Variants in SMG9 observed in about 807,000 individuals in gnomAD.
SMG9 encodes the protein SMG9 nonsense mediated mRNA decay factor.
Under a neutral mutation model 64.0 loss-of-function variants are expected in SMG9, and 55 were observed. The ratio of observed to expected loss-of-function variants is 0.86; its 90% CI spans 0.69 to 1.08. The LOEUF (loss-of-function observed/expected upper bound fraction) is 1.08, where lower values mean the gene tolerates loss of function less well. Among genes scored for constraint, SMG9 ranks in the 50% least tolerant of loss-of-function variants. The pLI is 0.00. For synonymous variants in SMG9, 244 were observed against 254.8 expected (o/e 0.96, Z 0.41); for missense variants, 554 against 681.3 (o/e 0.81, Z 2.08).
intron 2 of SMG9, chr19:43,750,087 A>C: frequency 1.9e-6 from 1 of 513,656 alleles, no homozygotes; most frequent in Non-Finnish European, 3.9e-6. Flanking sequence ...ACCCTTTAAA[A>C]CATGAGCTAT....
chr19:43,750,827 C>A, intron 1 of SMG9, 80 bp from the exon 2 acceptor site: 1 of 1,303,794 alleles, frequency 7.7e-7, no homozygotes, highest in Non-Finnish European at 1.0e-6. Flanking sequence ...ATACGAAGTC[C>A]CTTCTTTCTT....
intron 9 of SMG9, among the ~76,000 whole-genome samples, chr19:43,735,239 G>A (rs1239769934): frequency 6.6e-6 from 1 of 152,132 alleles, no homozygotes; most frequent in Non-Finnish European, 1.5e-5. Context: ...TTGTCTAGAT[G>A]TGCCACTGAT....
At chr19:43,735,969 C>T (rs1968654465) in intron 9 of SMG9, among the ~76,000 whole-genome samples, 1 of 152,116 alleles carries the variant, frequency 6.6e-6, no homozygotes, top group Non-Finnish European at 1.5e-5. Context: ...TCCCTAGTGC[C>T]CAGAACAGTG....
At chr19:43,732,072 G>T (rs1047242264) in intron 13 of SMG9, among the ~76,000 whole-genome samples, 2 of 152,156 alleles carry the variant, frequency 1.3e-5, no homozygotes, top group Non-Finnish European at 2.9e-5. Flanking sequence ...TCTGGGTCCT[G>T]GTTTAGACCA....
rs1053326778 is a variant in SMG9 at position 43,747,766 on chromosome 19, A to T, written c.357T>A (p.Pro119=). The change falls in exon 4 of 14, where the codon CCT becomes CCA. Residue 119 remains proline, a synonymous_variant. Coordinates refer to ENST00000270066, the MANE Select transcript of SMG9 (RefSeq NM_019108.4). ...CAGGGGGTGGTGGGGCGGTGCCCTC[A>T]GGGGTAGAGGCACCTGTCACGGCCA... ...GPVAVTGAST[P]EGTAPPPPAA... 23 of 1,608,322 alleles carry T rather than the reference A, an allele frequency of 1.4e-5. No homozygotes were observed. Among genetic ancestry groups the T allele is most frequent in the Non-Finnish European group, 1.7e-5 (20 of 1,177,764 alleles).
At chr19:43,743,082 A>G (rs574987294) in intron 6 of SMG9, among the ~76,000 whole-genome samples, 53 of 152,046 alleles carry the variant, frequency 3.5e-4, no homozygotes, top group Admixed American at 1.1e-3. Context: ...CAAAAAAAAA[A>G]AGAGAGAGAG....
rs1367700067 is a variant in SMG9 at position 43,731,628 on chromosome 19, CAGAGG to C, written c.1526_1530del (p.Ser509CysfsTer47). The C allele has an allele frequency of 6.2e-7, 1 of 1,614,134 alleles. No individual in the cohort carries two copies. The highest frequency in any genetic ancestry group is 8.5e-7 in the Non-Finnish European group (1 of 1,180,044). On this transcript the variant is annotated frameshift_variant, in exon 14 of 14. Coordinates refer to ENST00000270066, the MANE Select transcript of SMG9 (RefSeq NM_019108.4). LOFTEE classifies it high-confidence loss of function. ...AGCAGGCGGCTGTACTCTGCCAGAGCAGAGGACTTTCTCACCCCATCCCAGATCCG... is the reference window on the plus strand; with the variant it reads ...AGCAGGCGGCTGTACTCTGCCAGAGCACTTTCTCACCCCATCCCAGATCCG...
At position 43,733,402 on chromosome 19, in the gene SMG9, A is replaced by T. The variant is rs1968548781; in HGVS notation, c.1261T>A (p.Phe421Ile). The T allele has an allele frequency of 1.9e-6, 3 of 1,614,152 alleles. No individual in the cohort carries two copies. The highest frequency in any genetic ancestry group is 1.7e-6 in the Non-Finnish European group (2 of 1,180,022). ...AATAAGTTGACCTCAGAGTCCAGGA[A>T]GTCAGGTGGAAGCCCCGGGAAGACA... ...CNVFPGLPPD[F>I]LDSEVNLFLV... The change falls in exon 12 of 14, where the codon TTC (phenylalanine) becomes ATC (isoleucine). Residue 421 changes from phenylalanine (F) to isoleucine (I), a missense_variant. By Grantham distance (21) the Phe-to-Ile change is conservative. Transcript: ENST00000270066.
rs1968439170 is a variant in SMG9 at position 43,730,268 on chromosome 19, T to C, written c.*1328A>G. On this transcript the variant is annotated 3_prime_UTR_variant, in exon 14 of 14. Transcript: ENST00000270066. Reference sequence around the variant, plus strand: ...ATTAATTTGGGGTGGCGAGACCAATTTGGAGACATACTTTGGGAAACCTCA... The same window carrying C: ...ATTAATTTGGGGTGGCGAGACCAATCTGGAGACATACTTTGGGAAACCTCA... The C allele has an allele frequency of 6.6e-6, 1 of 152,166 alleles. No individual in the cohort carries two copies. The highest frequency in any genetic ancestry group is 2.4e-5 in the African/African-American group (1 of 41,422). The allele number at this position is 152,166 out of a possible 1,614,324, so 9.4% of individuals were successfully genotyped here.
chr19:43,733,258 G>T, intron 12 of SMG9, 66 bp downstream of exon 12: 1 of 1,579,056 alleles, frequency 6.3e-7, no homozygotes, highest in Non-Finnish European at 8.6e-7. Context: ...AGACCAGTGG[G>T]TGCTGGGTCT....
At position 43,747,431 on chromosome 19, in the gene SMG9, C is replaced by A; in HGVS notation, c.588+11G>T. ...GTGCGGAAGCTCAGGCAGGGCAGGA[C>A]CCCTCGGTACCTCGATGGCACTGTC... is the stretch of plus-strand genomic sequence containing the variant. On this transcript the variant is annotated intron_variant, in intron 5 of 13. Transcript: ENST00000270066. The A allele has an allele frequency of 6.2e-7, 1 of 1,611,742 alleles. No homozygotes were observed. Among genetic ancestry groups the A allele is most frequent in the Non-Finnish European group, 8.5e-7 (1 of 1,179,668 alleles).
intron 6 of SMG9, among the ~76,000 whole-genome samples, chr19:43,743,520 C>G (rs1006914482): frequency 1.6e-4 from 25 of 152,100 alleles, no homozygotes. Flanking sequence ...ATACGGCCAA[C>G]GGTGGTGGCT....
rs1326970441 is a variant in SMG9 at position 43,730,256 on chromosome 19, G to A, written c.*1340C>T. 1 of 152,206 alleles carries A rather than the reference G, an allele frequency of 6.6e-6. No homozygotes were observed. The highest frequency in any genetic ancestry group is 1.5e-5 in the Non-Finnish European group (1 of 68,074). 9.4% of individuals were successfully genotyped at this position (152,206 alleles called of 1,614,324 possible). ...ACTGAACGATGGATTAATTTGGGGT[G>A]GCGAGACCAATTTGGAGACATACTT... On this transcript the variant is annotated 3_prime_UTR_variant, in exon 14 of 14. Coordinates refer to ENST00000270066, the MANE Select transcript of SMG9 (RefSeq NM_019108.4).
Position 43,740,168 on chromosome 19 carries a change from T to G in SMG9, c.752A>C (p.Asn251Thr). ...AAAGAAGTCGATGCCACTGGTCTGG[T>G]TGCCCCCTCGTTCCTTCATTTCAGC... is the stretch of plus-strand genomic sequence containing the variant. ...QSAEMKERGGNQTSGIDFFIT... is the reference protein window; with the variant it reads ...QSAEMKERGGTQTSGIDFFIT... The change falls in exon 7 of 14, where the codon AAC (asparagine) becomes ACC (threonine). Residue 251 changes from asparagine to threonine, a missense_variant. Physicochemically the swap from Asn to Thr is moderately conservative, Grantham distance 65. Coordinates refer to ENST00000270066, the MANE Select transcript of SMG9 (RefSeq NM_019108.4). 6.2e-7 allele frequency: 1 copy of G among 1,614,148 alleles called. No individual in the cohort carries two copies. Among genetic ancestry groups the G allele is most frequent in the South Asian group, 1.1e-5 (1 of 91,082 alleles).
chr19:43,750,290 C>G (rs775198046), intron 2 of SMG9: 1 of 582,958 alleles, frequency 1.7e-6, no homozygotes, highest in Middle Eastern at 2.9e-4. Flanking sequence ...CAGATATGGG[C>G]CACCTCAGGG....
chr19:43,742,805 G>C (rs1485510083), intron 6 of SMG9, among the ~76,000 whole-genome samples: 2 of 152,016 alleles, frequency 1.3e-5, no homozygotes, highest in African/African-American at 2.4e-5. Context: ...AGAATTAGCA[G>C]GAAGGCCAGG....
chr19:43,731,632 G>C lies in SMG9; in HGVS notation c.1527C>G (p.Ser509=). 6.2e-7 allele frequency: 1 copy of C among 1,614,258 alleles called. No homozygotes were observed. Among genetic ancestry groups the C allele is most frequent in the South Asian group, 1.1e-5 (1 of 91,090 alleles). The change falls in exon 14 of 14, where the codon TCC becomes TCG. Residue 509 remains serine, a synonymous_variant. Transcript: ENST00000270066. The part of the protein sequence containing the change: ...AARIWDGVRK[S]SALAEYSRLL... ...GGCGGCTGTACTCTGCCAGAGCAGA[G>C]GACTTTCTCACCCCATCCCAGATCC... is the stretch of plus-strand genomic sequence containing the variant.
intron 7 of SMG9, 56 bp from the exon 8 acceptor site, chr19:43,738,273 A>C (rs1968739229): frequency 6.9e-7 from 1 of 1,453,270 alleles, no homozygotes; most frequent in African/African-American, 1.4e-5. Context: ...CACACGCTCA[A>C]GGCAAATACA....
At chr19:43,738,703 A>G (rs1968752618) in intron 7 of SMG9, among the ~76,000 whole-genome samples, 1 of 152,274 alleles carries the variant, frequency 6.6e-6, no homozygotes, top group Non-Finnish European at 1.5e-5. Flanking sequence ...GCTAAATTAA[A>G]TTAGCTTGAT....
Sources: allele counts gnomAD v4.1 joint callset (sites outside exome capture counted in the v4.1 genomes callset), GRCh38; gene constraint gnomAD v4.1.1; transcripts MANE v1.5; gene names NCBI Gene and HGNC (gene_info 2026-07-23, HGNC 2026-07-21).